The following ADH5 variants were observed in gnomAD, a reference collection of about 807,000 sequenced individuals.
ADH5 encodes alcohol dehydrogenase 5 (class III), chi polypeptide.
Under a neutral mutation model 40.3 loss-of-function variants are expected in ADH5, and 32 were observed. The observed-to-expected ratio is 0.79, with a 90% confidence interval of 0.60 to 1.07. The LOEUF is 1.07. ADH5 is among the 50% of genes least tolerant of loss of function. The pLI, the probability that ADH5 is intolerant of heterozygous loss-of-function variation, is 0.00. For missense variants in ADH5, 353 were observed against 460.5 expected, an observed-to-expected ratio of 0.77 and a Z score of 2.14; for synonymous variants, 125 against 154.3, an observed-to-expected ratio of 0.81 and a Z score of 1.41.
At chr4:99,072,512 C>T in intron 8 of ADH5, 61 bp downstream of exon 8, 3 of 1,608,630 alleles carry the variant, frequency 1.9e-6, no homozygotes, top group Admixed American at 1.7e-5. Context: ...TTTTTCGACT[C>T]TCCATCCCCT....
intron 7 of ADH5, among the ~76,000 whole-genome samples, chr4:99,073,808 CTAGA>C (rs1409044732): frequency 1.3e-5 from 2 of 152,186 alleles, no homozygotes; most frequent in Non-Finnish European, 2.9e-5. Flanking sequence ...CCAGCATGTG[CTAGA>C]ATGAGGCTTC....
chr4:99,076,878 A>G lies in ADH5; in HGVS notation c.390T>C (p.Phe130=). 6.2e-7 allele frequency: 1 copy of G among 1,613,860 alleles called. No homozygotes were observed. The highest frequency in any genetic ancestry group is 8.5e-7 in the Non-Finnish European group (1 of 1,179,822). Residue 130 remains phenylalanine (F), a synonymous_variant, in exon 5 of 9, where the codon TTT becomes TTC. Coordinates refer to ENST00000296412, the MANE Select transcript of ADH5 (RefSeq NM_000671.4). ...KGLMPDGTSR[F]TCKGKTILHY... ...GCAAAATTGTCTTTCCTTTGCAAGT[A>G]AATCTGCTGGTACCATCTGGCATTA...
chr4:99,075,199 C>T, intron 6 of ADH5, 150 bp from the exon 7 acceptor site: 1 of 525,534 alleles, frequency 1.9e-6, no homozygotes, highest in East Asian at 3.6e-5. Flanking sequence ...TGTTATTGAA[C>T]AATTTATATT....
chr4:99,082,061 G>A lies in ADH5; in HGVS notation c.170C>T (p.Pro57Leu), dbSNP rs1313760014. The A allele has an allele frequency of 6.2e-7, 1 of 1,613,950 alleles. No individual in the cohort carries two copies. The highest frequency in any genetic ancestry group is 1.3e-5 in the African/African-American group (1 of 75,048). The change falls in exon 3 of 9, where the codon CCT (proline) becomes CTT (leucine). Residue 57 changes from proline (P) to leucine (L), a missense_variant. Coordinates refer to ENST00000296412, the MANE Select transcript of ADH5 (RefSeq NM_000671.4). ...TDAYTLSGAD[P>L]EGCFPVILGH... The stretch of plus-strand genomic sequence containing the variant: ...CAAGATCACTGGAAAACAACCCTCA[G>A]GATCAGCTCCACTCAGGGTATAGGC...
chr4:99,076,617 T>C (rs1417698185), intron 5 of ADH5, 65 bp from the exon 6 acceptor site: 2 of 1,594,894 alleles, frequency 1.3e-6, no homozygotes, highest in African/African-American at 2.7e-5. Context: ...CTGGGTTTCA[T>C]ACAGATTGGC....
intron 7 of ADH5, among the ~76,000 whole-genome samples, chr4:99,072,996 C>T (rs983969823): frequency 6.6e-6 from 1 of 152,178 alleles, no homozygotes; most frequent in Admixed American, 6.5e-5. Context: ...GAAGTCTCAA[C>T]AACAAGCTTA....
intron 7 of ADH5, among the ~76,000 whole-genome samples, chr4:99,073,239 C>T (rs1003629823): frequency 1.3e-5 from 2 of 152,204 alleles, no homozygotes; most frequent in Admixed American, 6.5e-5. Context: ...AGTACAGTTG[C>T]GTGATCTCAG....
Position 99,074,932 on chromosome 4 carries a change from T to C in ADH5, c.943A>G (p.Lys315Glu). ...GAATTACCTCCAAAGGCAGTGCCTTTCCATGTGCGACCTGTTACCAGCTGG... is the reference window on the plus strand; with the variant it reads ...GAATTACCTCCAAAGGCAGTGCCTTCCCATGTGCGACCTGTTACCAGCTGG... ...PFQLVTGRTW[K>E]GTAFGGWKSV... The change falls in exon 7 of 9, where the codon AAA becomes GAA. Residue 315 changes from lysine (K) to glutamate (E), a missense_variant. Transcript: ENST00000296412. 6.2e-7 allele frequency: 1 copy of C among 1,612,302 alleles called. No homozygotes were observed. The highest frequency in any genetic ancestry group is 8.5e-7 in the Non-Finnish European group (1 of 1,178,896).
intron 8 of ADH5, 52 bp downstream of exon 8, chr4:99,072,521 C>T: frequency 6.2e-7 from 1 of 1,608,922 alleles, no homozygotes; most frequent in Non-Finnish European, 8.5e-7. Flanking sequence ...TCTCCATCCC[C>T]TCAAACTCAA....
intron 4 of ADH5, among the ~76,000 whole-genome samples, chr4:99,079,319 A>G (rs1439373638): frequency 6.6e-6 from 1 of 152,234 alleles, no homozygotes; most frequent in Non-Finnish European, 1.5e-5. Flanking sequence ...AGCAACAAGA[A>G]GGAACTACTG....
At position 99,082,031 on chromosome 4, in the gene ADH5, T is replaced by C. The variant is rs1300365217; in HGVS notation, c.200A>G (p.His67Arg). The C allele has an allele frequency of 6.2e-7, 1 of 1,613,934 alleles. No homozygotes were observed. The highest frequency in any genetic ancestry group is 1.1e-5 in the South Asian group (1 of 91,084). ...ACTTTCCACAATTCCAGCACCTTCA[T>C]GTCCCAAGATCACTGGAAAACAACC... is the stretch of plus-strand genomic sequence containing the variant. Reference protein sequence around the residue: ...PEGCFPVILGHEGAGIVESVG... With the variant: ...PEGCFPVILGREGAGIVESVG... The change falls in exon 3 of 9, where the codon CAT becomes CGT. Residue 67 changes from histidine (H) to arginine (R), a missense_variant. His to Arg is a conservative substitution (Grantham distance 29). Coordinates refer to ENST00000296412, the MANE Select transcript of ADH5 (RefSeq NM_000671.4).
chr4:99,087,039 A>G lies in ADH5; in HGVS notation c.12+1650T>C, dbSNP rs6846829. On this transcript the variant is annotated intron_variant, in intron 1 of 8. Transcript: ENST00000296412. ...TAAGTTAGTAGTTATTGGTAGCAAC[A>G]GAACAAACGGTTGAGGGAAAGGAGA... 8.3e-3 allele frequency among the ~76,000 whole-genome samples: 1,260 copies of G among 152,112 alleles called. 13 individuals are homozygous for G. Among genetic ancestry groups the G allele is most frequent in the African/African-American group, 0.027 (1,121 of 41,486 alleles).
chr4:99,088,715 G>C lies in ADH5; in HGVS notation c.-15C>G. ...TCGTTCGCCATGTTCACGGATTCTGGTCGGCGCGGGGGGCTGACATCCGGG... is the reference window on the plus strand; with the variant it reads ...TCGTTCGCCATGTTCACGGATTCTGCTCGGCGCGGGGGGCTGACATCCGGG... On this transcript the variant is annotated 5_prime_UTR_variant, in exon 1 of 9. Coordinates refer to ENST00000296412, the MANE Select transcript of ADH5 (RefSeq NM_000671.4). The C allele has an allele frequency of 6.2e-7, 1 of 1,607,036 alleles. No homozygotes were observed. The highest frequency in any genetic ancestry group is 2.2e-5 in the East Asian group (1 of 44,466).
intron 7 of ADH5, among the ~76,000 whole-genome samples, chr4:99,074,638 CCTCA>C (rs1340814519): frequency 2.0e-5 from 3 of 152,288 alleles, no homozygotes; most frequent in African/African-American, 4.8e-5. Flanking sequence ...ATAACTACTT[CCTCA>C]CTATCAGAAT....
chr4:99,074,448 T>G (rs879594052), intron 7 of ADH5, among the ~76,000 whole-genome samples: 3 of 152,168 alleles, frequency 2.0e-5, no homozygotes, highest in Non-Finnish European at 4.4e-5. Context: ...TATTTTCAGT[T>G]TGAGACTCAA....
In ADH5 at chr4:99,082,114, GATCT is replaced by G; in HGVS notation, c.115-2_116del. 6 of 1,613,658 alleles carry G rather than the reference GATCT, an allele frequency of 3.7e-6. No homozygotes were observed. Among genetic ancestry groups the G allele is most frequent in the Non-Finnish European group, 4.2e-6 (5 of 1,179,708 alleles). On this transcript the variant is annotated splice_acceptor_variant and coding_sequence_variant, in exon 3 of 9. Coordinates refer to ENST00000296412, the MANE Select transcript of ADH5 (RefSeq NM_000671.4). LOFTEE classifies it high-confidence loss of function. ...CGGTGTGGCAAACCGCAGTGGCAAT[GATCT>G]ATCAGGACATTAAAACAACGAATGT...
intron 7 of ADH5, among the ~76,000 whole-genome samples, chr4:99,074,506 T>C (rs1235952280): frequency 6.6e-6 from 1 of 152,210 alleles, no homozygotes; most frequent in African/African-American, 2.4e-5. Context: ...CATCCAGTGA[T>C]CACTGCACTC....
rs770384208 is a variant in ADH5 at position 99,072,453 on chromosome 4, A to G, written c.1101-12T>C. On this transcript the variant is annotated splice_polypyrimidine_tract_variant and intron_variant, in intron 8 of 8. Coordinates refer to ENST00000296412, the MANE Select transcript of ADH5 (RefSeq NM_000671.4). ...CAACAGTTCGAATGCTGTAAAAGGA[A>G]GCAACATACTAAGTTTTAAATGATA... 8 of 1,613,118 alleles carry G rather than the reference A, an allele frequency of 5.0e-6. No homozygotes were observed. The highest frequency in any genetic ancestry group is 5.9e-6 in the Non-Finnish European group (7 of 1,179,276).
chr4:99,087,500 A>C (rs889263910), intron 1 of ADH5, among the ~76,000 whole-genome samples: 2 of 152,134 alleles, frequency 1.3e-5, no homozygotes, highest in Non-Finnish European at 2.9e-5. Context: ...TAGTACAAAG[A>C]ATCAGACACT....
Sources: allele counts gnomAD v4.1 joint callset (sites outside exome capture counted in the v4.1 genomes callset), GRCh38; gene constraint gnomAD v4.1.1; transcripts MANE v1.5; gene names NCBI Gene and HGNC (gene_info 2026-07-23, HGNC 2026-07-21).